The following LATS2 variants were observed in gnomAD, a reference collection of about 807,000 sequenced individuals.
The protein encoded by LATS2 is large tumor suppressor kinase 2.
A neutral mutation model predicts 76.0 loss-of-function variants in LATS2; 24 were observed. The ratio of observed to expected loss-of-function variants is 0.32; its 90% CI spans 0.23 to 0.44. The LOEUF is 0.44. Ranked by LOEUF, LATS2 falls within the 20% of genes least tolerant of loss-of-function variation. LATS2 has a pLI of 1.00. For missense variants in LATS2, 1,286 were observed against 1,481.2 expected, an observed-to-expected ratio of 0.87 and a Z score of 2.16; for synonymous variants, 692 against 635.4, an observed-to-expected ratio of 1.09 and a Z score of -1.34.
At chr13:21,040,652 G>A (rs1872846935) in intron 2 of LATS2, among the ~76,000 whole-genome samples, 1 of 152,010 alleles carries the variant, frequency 6.6e-6, no homozygotes, top group Non-Finnish European at 1.5e-5. Flanking sequence ...CTCTGTAGAG[G>A]GGAGCATGTG....
chr13:21,022,417 C>T (rs1258881837), intron 2 of LATS2, among the ~76,000 whole-genome samples: 1 of 152,148 alleles, frequency 6.6e-6, no homozygotes, highest in East Asian at 1.9e-4. Flanking sequence ...ACACAACCCC[C>T]ACTAGCCCCG....
chr13:21,025,106 A>G (rs1265304212), intron 2 of LATS2, among the ~76,000 whole-genome samples: 1 of 152,080 alleles, frequency 6.6e-6, no homozygotes, highest in African/African-American at 2.4e-5. Flanking sequence ...TGAAGTCTGT[A>G]AGACACCTTT....
At chr13:21,032,146 G>A (rs1872549007) in intron 2 of LATS2, among the ~76,000 whole-genome samples, 1 of 152,134 alleles carries the variant, frequency 6.6e-6, no homozygotes, top group South Asian at 2.1e-4. Context: ...TTGATAATAC[G>A]TTGCAGCAAC....
chr13:21,059,495 A>G (rs1331554021), intron 1 of LATS2, among the ~76,000 whole-genome samples: 2 of 151,976 alleles, frequency 1.3e-5, no homozygotes, highest in Non-Finnish European at 2.9e-5. Context: ...TACTCGGGAG[A>G]CTGAGGTAGG....
chr13:21,000,833 G>A (rs1458738103), intron 2 of LATS2, among the ~76,000 whole-genome samples: 2 of 152,132 alleles, frequency 1.3e-5, no homozygotes, highest in African/African-American at 4.8e-5. Context: ...ATGAAAAAAT[G>A]CTGATTGTAT....
intron 2 of LATS2, among the ~76,000 whole-genome samples, chr13:21,028,693 C>T (rs932442453): frequency 1.3e-5 from 2 of 152,182 alleles, no homozygotes; most frequent in African/African-American, 4.8e-5. Context: ...GCCTCAACCT[C>T]CCAATTAGCT....
Position 20,974,726 on chromosome 13 carries a change from G to T in LATS2, c.*144C>A. 1.2e-6 allele frequency: 1 copy of T among 859,172 alleles called. No homozygotes were observed. Among genetic ancestry groups the T allele is most frequent in the Non-Finnish European group, 1.7e-6 (1 of 573,614 alleles). The allele number at this position is 859,172 out of a possible 1,614,324, so 53.2% of individuals were successfully genotyped here. A position where few individuals can be genotyped will look rare whatever the true frequency, so the allele number is the denominator to read the frequency against. On this transcript the variant is annotated 3_prime_UTR_variant, in exon 8 of 8. Transcript: ENST00000382592. ...AAAAGTGTCCTGTTTGGGTTTTCTT[G>T]GTGAAGAGCAGAATTTCAAGTGAAG...
intron 2 of LATS2, among the ~76,000 whole-genome samples, chr13:21,012,789 C>A (rs1444669194): frequency 6.6e-6 from 1 of 151,846 alleles, no homozygotes; most frequent in South Asian, 2.1e-4. Flanking sequence ...AATCACACCC[C>A]CCCCCCACCT....
intron 3 of LATS2, among the ~76,000 whole-genome samples, chr13:20,990,847 A>G (rs1287696112): frequency 6.6e-6 from 1 of 152,212 alleles, no homozygotes; most frequent in Non-Finnish European, 1.5e-5. Flanking sequence ...CCCCACTCTC[A>G]GAAGCTACGA....
intron 1 of LATS2, among the ~76,000 whole-genome samples, chr13:21,054,312 A>G (rs1873375622): frequency 1.3e-5 from 2 of 152,132 alleles, no homozygotes; most frequent in Admixed American, 6.5e-5. Flanking sequence ...TGCAAAAATT[A>G]GCTGGAAATC....
Position 20,987,938 on chromosome 13 carries a change from G to C in LATS2, c.1842C>G (p.Ile614Met). 1 of 1,614,234 alleles carries C rather than the reference G, an allele frequency of 6.2e-7. No individual in the cohort carries two copies. Among genetic ancestry groups the C allele is most frequent in the Non-Finnish European group, 8.5e-7 (1 of 1,180,030 alleles). ...FFMEQHVENV[I>M]KTYQQKVNRR... ...GGTTAACCTTCTGCTGGTAGGTTTT[G>C]ATGACATTCTCCACGTGCTGCTCCA... is the stretch of plus-strand genomic sequence containing the variant. The change falls in exon 4 of 8, where the codon ATC becomes ATG. Residue 614 changes from isoleucine to methionine, a missense_variant. By Grantham distance (10) the Ile-to-Met change is conservative. Coordinates refer to ENST00000382592, the MANE Select transcript of LATS2 (RefSeq NM_014572.3).
chr13:21,023,841 C>T (rs565725130), intron 2 of LATS2, among the ~76,000 whole-genome samples: 12 of 151,474 alleles, frequency 7.9e-5, no homozygotes, highest in Non-Finnish European at 1.6e-4. Flanking sequence ...GGCATGGTGG[C>T]GCATGCCTAT....
At chr13:20,999,602 G>C (rs950724162) in intron 2 of LATS2, among the ~76,000 whole-genome samples, 2 of 151,952 alleles carry the variant, frequency 1.3e-5, no homozygotes, top group African/African-American at 4.8e-5. Context: ...CTGTAGTCAG[G>C]AGCCAGTATG....
At position 20,973,815 on chromosome 13, in the gene LATS2, G is replaced by A. The variant is rs1350097473; in HGVS notation, c.*1055C>T. 1.7e-5 allele frequency: 4 copies of A among 230,264 alleles called. No individual in the cohort carries two copies. Among genetic ancestry groups the A allele is most frequent in the Admixed American group, 5.7e-5 (1 of 17,664 alleles). The allele number at this position is 230,264 out of a possible 1,614,324, so 14.3% of individuals were successfully genotyped here. ...TCTGTCAGTAAAAAGGTAAGTAGTA[G>A]GGTCAGAGGTATGGCATTCCACATA... On this transcript the variant is annotated 3_prime_UTR_variant, in exon 8 of 8. Transcript: ENST00000382592.
rs188561042 is a variant in LATS2 at position 21,000,078 on chromosome 13, A to G, written c.343-8674T>C. The stretch of plus-strand genomic sequence containing the variant: ...TTACAACTATTGTTAGCACCAAAAT[A>G]AAATAAAAAATTATAAAGATAGGCC... On this transcript the variant is annotated intron_variant, in intron 2 of 7. Transcript: ENST00000382592. 1.7e-3 allele frequency among the ~76,000 whole-genome samples: 265 copies of G among 152,290 alleles called. 1 individual carries two copies. In the Middle Eastern group the frequency reaches 0.024, roughly 14 times the overall value.
At chr13:20,996,074 C>T (rs1451972649) in intron 2 of LATS2, among the ~76,000 whole-genome samples, 7 of 152,202 alleles carry the variant, frequency 4.6e-5, no homozygotes, top group African/African-American at 1.2e-4. Context: ...TTGGTTACCA[C>T]GCCCATAAAT....
At chr13:20,977,241 C>A (rs1317639888) in intron 7 of LATS2, among the ~76,000 whole-genome samples, 1 of 151,922 alleles carries the variant, frequency 6.6e-6, no homozygotes, top group African/African-American at 2.4e-5. Context: ...ACTAAAAATA[C>A]AAAAATTAGC....
intron 2 of LATS2, among the ~76,000 whole-genome samples, chr13:21,003,203 G>A (rs981804420): frequency 2.8e-5 from 4 of 141,570 alleles, no homozygotes; most frequent in Non-Finnish European, 4.7e-5. Flanking sequence ...GATTGCTGGT[G>A]TGATCAGTGA....
intron 2 of LATS2, among the ~76,000 whole-genome samples, chr13:21,016,297 T>C (rs1871796623): frequency 6.6e-6 from 1 of 151,298 alleles, no homozygotes; most frequent in Non-Finnish European, 1.5e-5. Flanking sequence ...TATTTTTATT[T>C]TTTTTGAGAC....
Sources: gnomAD v4.1 joint callset for allele counts (sites outside exome capture counted in the v4.1 genomes callset) on GRCh38, gnomAD v4.1.1 for gene constraint, MANE v1.5 for transcripts, NCBI Gene and HGNC (gene_info 2026-07-23, HGNC 2026-07-21) for gene names.